ZNF138: variants seen among roughly 807,000 people sequenced by gnomAD.
The protein encoded by ZNF138 is zinc finger protein 138 (clone pHZ-32).
In ZNF138, 33 loss-of-function variants were observed where a neutral mutation model predicts 33.0. That is an observed-to-expected ratio of 1.00 (90% CI 0.76 to 1.34). The LOEUF is 1.34. Among genes scored for constraint, ZNF138 ranks in the 40% most tolerant of loss-of-function variants. ZNF138 has a pLI of 0.00. For synonymous variants in ZNF138, 139 were observed against 120.4 expected, an observed-to-expected ratio of 1.15 and a Z score of -1.01; for missense variants, 360 against 370.8, an observed-to-expected ratio of 0.97 and a Z score of 0.24.
intron 1 of ZNF138, among the ~76,000 whole-genome samples, chr7:64,810,495 C>G (rs1318591901): frequency 1.3e-5 from 2 of 151,166 alleles, no homozygotes; most frequent in Non-Finnish European, 3.0e-5. Flanking sequence ...GTTTCTTATG[C>G]CTTGCTAAGA....
At chr7:64,819,483 T>TCA (rs1788939294) in intron 3 of ZNF138, among the ~76,000 whole-genome samples, 1 of 151,930 alleles carries the variant, frequency 6.6e-6, no homozygotes, top group Non-Finnish European at 1.5e-5. Context: ...TTCTCCTGCC[T>TCA]CAGTCTCCTC....
intron 1 of ZNF138, among the ~76,000 whole-genome samples, chr7:64,813,610 A>G (rs943494765): frequency 5.9e-5 from 9 of 151,886 alleles, no homozygotes; most frequent in African/African-American, 1.7e-4. Context: ...ATTTTTTTGT[A>G]TTTTTAGTAG....
At chr7:64,856,754 G>T in the ZNF138 span, among the ~76,000 whole-genome samples, 78 of 4,428 alleles carry the variant, frequency 0.018, 24 homozygotes, top group African/African-American at 0.018. Context: ...CAGCCGCCCT[G>T]TCCGGGAGGG....
intron 1 of ZNF138, among the ~76,000 whole-genome samples, chr7:64,813,862 A>C (rs1006210042): frequency 2.5e-4 from 38 of 152,166 alleles, no homozygotes; most frequent in African/African-American, 9.2e-4. Flanking sequence ...GTTGATGTTA[A>C]TGATTCACTT....
chr7:64,853,106 G>T, the ZNF138 span: 1 of 1,428,270 alleles, frequency 7.0e-7, no homozygotes, highest in Non-Finnish European at 9.9e-7. Flanking sequence ...GTAATCTGTA[G>T]TTTGAACCAA....
chr7:64,811,795 C>T (rs1788200238), intron 1 of ZNF138, among the ~76,000 whole-genome samples: 1 of 152,178 alleles, frequency 6.6e-6, no homozygotes, highest in African/African-American at 2.4e-5. Flanking sequence ...CTAACTAATG[C>T]TAATAATGAG....
At chr7:64,840,438 C>T in the ZNF138 span, among the ~76,000 whole-genome samples, 1 of 150,618 alleles carries the variant, frequency 6.6e-6, no homozygotes, top group Non-Finnish European at 1.5e-5. Flanking sequence ...ACTTATTTTT[C>T]TCAATTTTTG....
chr7:64,829,361 A>G (rs1035020611), intron 3 of ZNF138, among the ~76,000 whole-genome samples: 2 of 151,444 alleles, frequency 1.3e-5, no homozygotes, highest in Non-Finnish European at 2.9e-5. Context: ...TACTTTACAT[A>G]TTTGGAAACT....
At chr7:64,848,932 C>T in the ZNF138 span, among the ~76,000 whole-genome samples, 2 of 152,104 alleles carry the variant, frequency 1.3e-5, no homozygotes, top group Non-Finnish European at 1.5e-5. Context: ...TCTCAATCTC[C>T]TGACCTCGTG....
At position 64,815,609 on chromosome 7, in the gene ZNF138, C is replaced by G; in HGVS notation, c.164C>G (p.Pro55Arg). 2 of 1,612,450 alleles carry G rather than the reference C, an allele frequency of 1.2e-6. No individual in the cohort carries two copies. Among genetic ancestry groups the G allele is most frequent in the African/African-American group, 2.7e-5 (2 of 74,822 alleles). ...LITCLEQGKEPWNMKRHEMVV... is the reference protein window; with the variant it reads ...LITCLEQGKERWNMKRHEMVV... ...ACCTGTCTGGAACAAGGAAAAGAGCCCTGGAATATGAAGAGACATGAGATG... is the reference window on the plus strand; with the variant it reads ...ACCTGTCTGGAACAAGGAAAAGAGCGCTGGAATATGAAGAGACATGAGATG... Residue 55 changes from proline (P) to arginine (R), a missense_variant, in exon 3 of 4, where the codon CCC becomes CGC. Transcript: ENST00000307355.
chr7:64,846,705 A>G, the ZNF138 span, among the ~76,000 whole-genome samples: 1 of 152,194 alleles, frequency 6.6e-6, no homozygotes, highest in African/African-American at 2.4e-5. Flanking sequence ...TCATCAGGAA[A>G]AAAAATACAG....
At chr7:64,839,913 C>G in the ZNF138 span, among the ~76,000 whole-genome samples, 1 of 152,076 alleles carries the variant, frequency 6.6e-6, no homozygotes, top group African/African-American at 2.4e-5. Context: ...GTTCACTGGT[C>G]CGCAGCGGGA....
Position 64,794,441 on chromosome 7 carries a change from G to C in ZNF138, c.-128G>C. 2 of 1,362,562 alleles carry C rather than the reference G, an allele frequency of 1.5e-6. No homozygotes were observed. The highest frequency in any genetic ancestry group is 2.5e-5 in the East Asian group (1 of 40,802). The allele number at this position is 1,362,562 out of a possible 1,614,324, so 84.4% of individuals were successfully genotyped here. A position where few individuals can be genotyped will look rare whatever the true frequency, so the allele number is the denominator to read the frequency against. On this transcript the variant is annotated 5_prime_UTR_variant, in exon 1 of 4. Coordinates refer to ENST00000307355, the MANE Select transcript of ZNF138 (RefSeq NM_001271639.2). ...GGCGGGGTCTTTGTCTCGCTGCAGC[G>C]GGTGCTGCAGGTCTGGCCTTCACTT...
the ZNF138 span, chr7:64,852,689 A>G: frequency 7.9e-7 from 1 of 1,271,932 alleles, no homozygotes; most frequent in Non-Finnish European, 1.2e-6. Context: ...CACTAGTTTA[A>G]TATTATTCCA....
intron 3 of ZNF138, among the ~76,000 whole-genome samples, chr7:64,823,675 C>T (rs949352924): frequency 6.6e-6 from 1 of 152,174 alleles, no homozygotes; most frequent in Non-Finnish European, 1.5e-5. Flanking sequence ...CGCAGCAGTT[C>T]ACACCTATAA....
At chr7:64,852,739 C>T in the ZNF138 span, 1 of 963,988 alleles carries the variant, frequency 1.0e-6, no homozygotes. Flanking sequence ...CAGCCACTGC[C>T]CCCTGTGTCC....
intron 3 of ZNF138, among the ~76,000 whole-genome samples, chr7:64,823,133 G>A (rs983618411): frequency 6.6e-6 from 1 of 152,066 alleles, no homozygotes; most frequent in African/African-American, 2.4e-5. Flanking sequence ...GCCCACCTCG[G>A]CCTCCCAAAA....
the ZNF138 span, among the ~76,000 whole-genome samples, chr7:64,857,849 T>G: frequency 1.3e-5 from 2 of 152,154 alleles, no homozygotes; most frequent in African/African-American, 2.4e-5. Flanking sequence ...TGTTTCCCAC[T>G]GATATAAAGT....
chr7:64,829,428 A>G (rs1433809026), intron 3 of ZNF138, among the ~76,000 whole-genome samples: 1 of 150,918 alleles, frequency 6.6e-6, no homozygotes, highest in South Asian at 2.1e-4. Flanking sequence ...ATATGTAGAA[A>G]TTTGTCATAG....
Sources: allele counts gnomAD v4.1 joint callset (sites outside exome capture counted in the v4.1 genomes callset), GRCh38; gene constraint gnomAD v4.1.1; transcripts MANE v1.5; gene names NCBI Gene and HGNC (gene_info 2026-07-23, HGNC 2026-07-21).